The following DOCK9 variants were observed in gnomAD, a reference collection of about 807,000 sequenced individuals.
DOCK9 encodes the protein dedicator of cytokinesis protein 9.
Under a neutral mutation model 263.3 loss-of-function variants are expected in DOCK9, and 89 were observed. The ratio of observed to expected loss-of-function variants is 0.34; its 90% CI spans 0.28 to 0.40. The LOEUF (loss-of-function observed/expected upper bound fraction) is 0.40, where lower values mean the gene tolerates loss of function less well. Among genes scored for constraint, DOCK9 ranks in the 10% least tolerant of loss-of-function variants. The pLI is 1.00. For missense variants in DOCK9, 2,140 were observed against 2,603.4 expected (o/e 0.82, Z 3.87); for synonymous variants, 976 against 973.1 (o/e 1.00, Z -0.06).
Position 99,065,075 on chromosome 13 carries a change from G to A in DOCK9, c.129+21148C>T, listed in dbSNP as rs141535029. ...CCACACTCCCAGCACAGTCACGCAC[G>A]GCTGAAACCTAAGGCTATAGTTAAT... On this transcript the variant is annotated intron_variant, in intron 1 of 32. Transcript: ENST00000427887. 3.2e-3 allele frequency among the ~76,000 whole-genome samples: 482 copies of A among 152,196 alleles called. 3 individuals are homozygous for A. Among genetic ancestry groups the A allele is most frequent in the African/African-American group, 0.011 (455 of 41,530 alleles).
At chr13:98,927,818 A>G (rs1238020570) in intron 3 of DOCK9, among the ~76,000 whole-genome samples, 1 of 151,938 alleles carries the variant, frequency 6.6e-6, no homozygotes. Context: ...ACAGGGTTTC[A>G]CAATGTTGGT....
chr13:98,867,353 T>C (rs1025061152), intron 30 of DOCK9, 72 bp downstream of exon 30: 1 of 872,970 alleles, frequency 1.1e-6, no homozygotes, highest in Non-Finnish European at 1.8e-6. Flanking sequence ...CATGTTTGAA[T>C]CAATTATCTT....
intron 9 of DOCK9, among the ~76,000 whole-genome samples, chr13:98,910,554 G>C (rs994358800): frequency 6.6e-6 from 1 of 152,158 alleles, no homozygotes; most frequent in Non-Finnish European, 1.5e-5. Context: ...TGAGACATCA[G>C]TTATTTTTGC....
intron 38 of DOCK9, among the ~76,000 whole-genome samples, chr13:98,843,268 G>A (rs1360845825): frequency 6.6e-6 from 1 of 152,084 alleles, no homozygotes; most frequent in Non-Finnish European, 1.5e-5. Context: ...AGAAGGTATT[G>A]TATTTGTTGT....
chr13:98,909,146 A>G (rs1222094296), intron 9 of DOCK9, among the ~76,000 whole-genome samples: 1 of 152,198 alleles, frequency 6.6e-6, no homozygotes, highest in African/African-American at 2.4e-5. Context: ...GAGACAGAAA[A>G]TGCACAATGG....
intron 2 of DOCK9, among the ~76,000 whole-genome samples, chr13:98,937,067 T>G (rs978140134): frequency 1.3e-5 from 2 of 152,206 alleles, no homozygotes; most frequent in Non-Finnish European, 2.9e-5. Context: ...TAGGTCTATA[T>G]CCACTTTATA....
chr13:98,811,159 G>A (rs182098666), intron 45 of DOCK9, among the ~76,000 whole-genome samples: 49 of 152,290 alleles, frequency 3.2e-4, no homozygotes, highest in South Asian at 1.5e-3. Context: ...TAATCTCTCC[G>A]TGGAATTTCC....
rs751648526 is a variant in DOCK9 at position 98,829,654 on chromosome 13, G to A, written c.4738C>T (p.Arg1580Trp). The A allele has an allele frequency of 8.1e-6, 13 of 1,604,104 alleles. No homozygotes were observed. The highest frequency in any genetic ancestry group is 3.4e-5 in the South Asian group (3 of 88,816). The part of the protein sequence containing the change: ...SIINNCANSD[R>W]LIKHTSFSSD... ...GCCAGGCTACCCACCTTAATAAGCC[G>A]GTCACTGTTGGCACAGTTGTTGATG... Residue 1580 changes from arginine to tryptophan, a missense_variant, in exon 42 of 53, where the codon CGG (arginine) becomes TGG (tryptophan). By Grantham distance (101) the Arg-to-Trp change is moderately radical. Coordinates refer to ENST00000682017, the MANE Select transcript of DOCK9 (RefSeq NM_001366683.2). This position sits in a 1 kb window ranked among gnomAD's most constrained non-coding sequence, Gnocchi z 4.1.
rs776706349 is a variant in DOCK9, at chr13:98,888,400, G to A, written c.1937C>T (p.Pro646Leu). 9.9e-6 allele frequency: 16 copies of A among 1,613,808 alleles called. No homozygotes were observed. The East Asian group carries it at 2.7e-4, about 27-fold the overall frequency. The change falls in exon 17 of 53, where the codon CCT becomes CTT. Residue 646 changes from proline to leucine, a missense_variant. This residue lies in a region of DOCK9 where 1,521 missense variants were observed against 1,741.7 expected (regional missense o/e 0.87). Coordinates refer to ENST00000682017, the MANE Select transcript of DOCK9 (RefSeq NM_001366683.2). ...TIYTNHLYVY[P>L]KYLKYDSQKS... ...CTGACTGTCGTATTTCAAGTACTTA[G>A]GATAAACGTAAAGGTGATTGGTGTA... is the stretch of plus-strand genomic sequence containing the variant.
At chr13:99,038,713 C>T (rs9517564) in intron 1 of DOCK9, among the ~76,000 whole-genome samples, 79,159 of 151,702 alleles carry the variant, frequency 0.52, 20,888 homozygotes, top group South Asian at 0.68. Flanking sequence ...CCACGTGCCA[C>T]TTATGGCATC....
At chr13:98,860,924 G>A (rs1214611783) in intron 32 of DOCK9, among the ~76,000 whole-genome samples, 9 of 152,240 alleles carry the variant, frequency 5.9e-5, no homozygotes, top group East Asian at 3.9e-4. Context: ...TCTGTAATGC[G>A]GGGAATTACA....
Position 98,903,051 on chromosome 13 carries a change from CT to C in DOCK9, c.1096del (p.Arg366GlyfsTer40). 2 of 1,536,950 alleles carry C rather than the reference CT, an allele frequency of 1.3e-6. No individual in the cohort carries two copies. The highest frequency in any genetic ancestry group is 1.8e-6 in the Non-Finnish European group (2 of 1,141,488). ...VKSFEEKFGK[R>X]ILVKCNDLSF... ...TAAATCATTGCACTTGACAAGGATC[CT>C]TTTTCCAAACTTCTCTTCAAATGAC... On this transcript the variant is annotated frameshift_variant, in exon 11 of 53. Coordinates refer to ENST00000682017, the MANE Select transcript of DOCK9 (RefSeq NM_001366683.2). LOFTEE classifies it high-confidence loss of function.
At chr13:98,929,539 T>A (rs1033227024) in intron 3 of DOCK9, among the ~76,000 whole-genome samples, 8 of 152,094 alleles carry the variant, frequency 5.3e-5, no homozygotes, top group Non-Finnish European at 1.0e-4. Flanking sequence ...AGCAAGACTC[T>A]GTCTCAAAAA....
chr13:98,937,766 A>T (rs1434787229), intron 2 of DOCK9, among the ~76,000 whole-genome samples: 1 of 151,814 alleles, frequency 6.6e-6, no homozygotes, highest in Admixed American at 6.6e-5. Flanking sequence ...TTGCTCCCAG[A>T]ATAAAAAGAG....
intron 2 of DOCK9, among the ~76,000 whole-genome samples, chr13:98,939,537 A>C (rs2055468461): frequency 6.6e-6 from 1 of 152,226 alleles, no homozygotes; most frequent in Non-Finnish European, 1.5e-5. Flanking sequence ...TTGTCAGAGA[A>C]ATAGTACTTG....
At position 98,977,781 on chromosome 13, in the gene DOCK9, T is replaced by C. The variant is rs764727869; in HGVS notation, c.126+3A>G. 10 of 1,611,788 alleles carry C rather than the reference T, an allele frequency of 6.2e-6. No homozygotes were observed. Among genetic ancestry groups the C allele is most frequent in the Non-Finnish European group, 7.6e-6 (9 of 1,179,166 alleles). On this transcript the variant is annotated splice_donor_region_variant and intron_variant, in intron 1 of 52. Coordinates refer to ENST00000682017, the MANE Select transcript of DOCK9 (RefSeq NM_001366683.2). ...AGCAACACTTTGTACGAGACCCTCT[T>C]ACCGGCACAGGGCCCGGGCTCTCTG...
chr13:98,966,880 G>A (rs758032871), intron 1 of DOCK9, among the ~76,000 whole-genome samples: 3 of 152,186 alleles, frequency 2.0e-5, no homozygotes, highest in Non-Finnish European at 4.4e-5. Context: ...CAGTACAATG[G>A]TTCTCTAAGT....
chr13:99,075,196 CT>C (rs1341377956), intron 1 of DOCK9, among the ~76,000 whole-genome samples: 1 of 151,816 alleles, frequency 6.6e-6, no homozygotes, highest in Admixed American at 6.6e-5. Flanking sequence ...AATGACATAC[CT>C]TTTTCTTAAT....
chr13:98,987,477 C>G (rs573155915), intron 1 of DOCK9, among the ~76,000 whole-genome samples: 1 of 152,294 alleles, frequency 6.6e-6, no homozygotes, highest in South Asian at 2.1e-4. Flanking sequence ...AGGTCTTAAG[C>G]CCTTCTGTCG....
Sources: allele counts gnomAD v4.1 joint callset (sites outside exome capture counted in the v4.1 genomes callset), GRCh38; gene constraint gnomAD v4.1.1; regional missense constraint gnomAD v4.1.1; non-coding constraint Gnocchi (gnomAD v3.1); transcripts MANE v1.5; gene names NCBI Gene and HGNC (gene_info 2026-07-23, HGNC 2026-07-21).